Variants in FSTL3 observed in about 807,000 individuals in gnomAD.
FSTL3 encodes the protein follistatin-related protein 3.
Under a neutral mutation model 28.1 loss-of-function variants are expected in FSTL3, and 21 were observed. The observed-to-expected ratio is 0.75, with a 90% CI of 0.53 to 1.08. The LOEUF (loss-of-function observed/expected upper bound fraction) is 1.08. Ranked by LOEUF, FSTL3 falls within the 50% of genes least tolerant of loss-of-function variation. The pLI is 0.00. For missense variants in FSTL3, 400 were observed against 380.9 expected (o/e 1.05, Z -0.42); for synonymous variants, 199 against 164.2 (o/e 1.21, Z -1.62).
At chr19:679,058 G>C (rs1340535143) in intron 2 of FSTL3, among the ~76,000 whole-genome samples, 1 of 152,064 alleles carries the variant, frequency 6.6e-6, no homozygotes, top group Non-Finnish European at 1.5e-5. Context: ...CAGCCTGGCT[G>C]GGTGGTCCTG....
chr19:680,698 G>T, intron 3 of FSTL3: 1 of 356,888 alleles, frequency 2.8e-6, no homozygotes, highest in Non-Finnish European at 5.0e-6. Context: ...CTGCTGGAGG[G>T]GCGGGGCCGC....
rs766845856 is a variant in FSTL3 at position 677,994 on chromosome 19, G to A, written c.289+17G>A. The stretch of plus-strand genomic sequence containing the variant: ...CCTGCAAAGGTGAGACCTCAGGCCA[G>A]AAGCAGGGCAGACGTCTCAGCTCAG... On this transcript the variant is annotated intron_variant, in intron 2 of 4. Coordinates refer to ENST00000166139, the MANE Select transcript of FSTL3 (RefSeq NM_005860.3). 14 of 1,609,376 alleles carry A rather than the reference G, an allele frequency of 8.7e-6. No homozygotes were observed. The South Asian group carries it at 1.3e-4, about 15-fold the overall frequency.
chr19:676,537 C>G lies in FSTL3; in HGVS notation c.103+11C>G, dbSNP rs916715766. ...GGAACCCCGCGCCCGGTGAGTGGGG[C>G]GGCCAGAGGGGCGGGCGGGGCGGGC... On this transcript the variant is annotated intron_variant, in intron 1 of 4. Transcript: ENST00000166139. The G allele has an allele frequency of 1.4e-6, 1 of 721,016 alleles. No homozygotes were observed. Among genetic ancestry groups the G allele is most frequent in the Non-Finnish European group, 1.8e-6 (1 of 568,434 alleles). 44.7% of individuals were successfully genotyped at this position (721,016 alleles called of 1,614,324 possible). A position where few individuals can be genotyped will look rare whatever the true frequency, so the allele number is the denominator to read the frequency against.
intron 2 of FSTL3, among the ~76,000 whole-genome samples, chr19:678,453 G>C (rs533017248): frequency 2.7e-4 from 41 of 151,068 alleles, no homozygotes; most frequent in African/African-American, 8.7e-4. Context: ...TGGTTGGCGA[G>C]TGGCACAGAA....
rs1012360297 is a variant in FSTL3, at chr19:681,829, T to C, written c.*121T>C. ...TCCTTAGAGCCCGGATTCGGACCAC[T>C]TGGGGATCCCAGAACCTCCCTGACG... is the stretch of plus-strand genomic sequence containing the variant. On this transcript the variant is annotated 3_prime_UTR_variant, in exon 5 of 5. Transcript: ENST00000166139. 5.1e-5 allele frequency: 45 copies of C among 884,886 alleles called. No individual in the cohort carries two copies. The highest frequency in any genetic ancestry group is 7.7e-5 in the Non-Finnish European group (43 of 557,746). 54.8% of individuals were successfully genotyped at this position (884,886 alleles called of 1,614,324 possible).
chr19:678,927 G>A (rs1434832373), intron 2 of FSTL3, among the ~76,000 whole-genome samples: 1 of 152,114 alleles, frequency 6.6e-6, no homozygotes, highest in Non-Finnish European at 1.5e-5. Flanking sequence ...ATGGCTTGAG[G>A]TTAGGTCCTG....
In FSTL3 at chr19:682,282, G is replaced by A. The variant is rs535149517; in HGVS notation, c.*574G>A. On this transcript the variant is annotated 3_prime_UTR_variant, in exon 5 of 5. Transcript: ENST00000166139. ...GGATCTAGCCTGGGTGAGTATGGAGGGTCTAGCCTGGGTGAGTATGGAGGG... is the reference window on the plus strand; with the variant it reads ...GGATCTAGCCTGGGTGAGTATGGAGAGTCTAGCCTGGGTGAGTATGGAGGG... The A allele has an allele frequency of 2.0e-4, 52 of 259,842 alleles. No homozygotes were observed. The highest frequency in any genetic ancestry group is 3.6e-4 in the Non-Finnish European group (49 of 134,308). 16.1% of individuals were successfully genotyped at this position (259,842 alleles called of 1,614,324 possible).
At chr19:681,113 A>G (rs1307944858) in intron 3 of FSTL3, among the ~76,000 whole-genome samples, 1 of 142,866 alleles carries the variant, frequency 7.0e-6, no homozygotes, top group Non-Finnish European at 1.5e-5. Flanking sequence ...GGAGCTCACG[A>G]AAGAGGTGTG....
At position 676,443 on chromosome 19, in the gene FSTL3, G is replaced by A; in HGVS notation, c.20G>A (p.Gly7Glu). The change falls in exon 1 of 5, where the codon GGG (glycine) becomes GAG (glutamate). Residue 7 changes from glycine to glutamate, a missense_variant. Physicochemically the swap from Gly to Glu is moderately conservative, Grantham distance 98. Coordinates refer to ENST00000166139, the MANE Select transcript of FSTL3 (RefSeq NM_005860.3). ...TTCGCCATGCGTCCCGGGGCGCCAGGGCCACTCTGGCCTCTGCCCTGGGGG... is the reference window on the plus strand; with the variant it reads ...TTCGCCATGCGTCCCGGGGCGCCAGAGCCACTCTGGCCTCTGCCCTGGGGG... The part of the protein sequence containing the change: MRPGAP[G>E]PLWPLPWGAL... The A allele has an allele frequency of 8.2e-7, 1 of 1,212,804 alleles. No homozygotes were observed. The highest frequency in any genetic ancestry group is 1.0e-6 in the Non-Finnish European group (1 of 972,878). 75.1% of individuals were successfully genotyped at this position (1,212,804 alleles called of 1,614,324 possible). A position where few individuals can be genotyped will look rare whatever the true frequency, so the allele number is the denominator to read the frequency against.
chr19:678,997 A>G (rs533099554), intron 2 of FSTL3, among the ~76,000 whole-genome samples: 8 of 152,176 alleles, frequency 5.3e-5, no homozygotes, highest in Non-Finnish European at 8.8e-5. Flanking sequence ...GCAGACCCGA[A>G]GGCCAGGCTG....
chr19:676,632 A>G (rs1204412326), intron 1 of FSTL3, 106 bp downstream of exon 1: 15 of 323,752 alleles, frequency 4.6e-5, no homozygotes, highest in African/African-American at 1.3e-4. Context: ...GGCGGGGGCG[A>G]GGGCGGTGTC....
At chr19:680,034 C>T in intron 2 of FSTL3, 1 of 239,916 alleles carries the variant, frequency 4.2e-6, no homozygotes, top group East Asian at 8.8e-5. Flanking sequence ...CGCACCGAGC[C>T]CAGCCCCCGC....
chr19:676,537 C>A lies in FSTL3; in HGVS notation c.103+11C>A. The A allele has an allele frequency of 9.7e-6, 7 of 721,010 alleles. No individual in the cohort carries two copies. The highest frequency in any genetic ancestry group is 1.2e-5 in the Non-Finnish European group (7 of 568,428). The allele number at this position is 721,010 out of a possible 1,614,324, so 44.7% of individuals were successfully genotyped here. Reference sequence around the variant, plus strand: ...GGAACCCCGCGCCCGGTGAGTGGGGCGGCCAGAGGGGCGGGCGGGGCGGGC... The same window carrying A: ...GGAACCCCGCGCCCGGTGAGTGGGGAGGCCAGAGGGGCGGGCGGGGCGGGC... On this transcript the variant is annotated intron_variant, in intron 1 of 4. Coordinates refer to ENST00000166139, the MANE Select transcript of FSTL3 (RefSeq NM_005860.3).
chr19:679,498 T>G (rs907052181), intron 2 of FSTL3, among the ~76,000 whole-genome samples: 1 of 152,242 alleles, frequency 6.6e-6, no homozygotes, highest in Non-Finnish European at 1.5e-5. Context: ...GTTGGTCATC[T>G]GGGTCCTGGC....
At chr19:677,455 T>C (rs1029992098) in intron 1 of FSTL3, among the ~76,000 whole-genome samples, 5 of 148,858 alleles carry the variant, frequency 3.4e-5, no homozygotes, top group African/African-American at 1.2e-4. Context: ...GACCCTGACA[T>C]GCCCAGTGCC....
chr19:677,348 G>GT, intron 1 of FSTL3, among the ~76,000 whole-genome samples: 1 of 152,080 alleles, frequency 6.6e-6, no homozygotes, highest in East Asian at 2.0e-4. Flanking sequence ...GGGCCAGGCG[G>GT]TGGGGGGGCT....
At chr19:678,441 C>T (rs540205639) in intron 2 of FSTL3, among the ~76,000 whole-genome samples, 13 of 147,510 alleles carry the variant, frequency 8.8e-5, no homozygotes, top group Non-Finnish European at 1.8e-4. Context: ...ACTAGGGGCT[C>T]TTGGTTGGCG....
Position 681,742 on chromosome 19 carries a change from G to T in FSTL3, c.*34G>T. 2 of 1,521,680 alleles carry T rather than the reference G, an allele frequency of 1.3e-6. No individual in the cohort carries two copies. The highest frequency in any genetic ancestry group is 1.8e-6 in the Non-Finnish European group (2 of 1,122,238). 94.3% of individuals were successfully genotyped at this position (1,521,680 alleles called of 1,614,324 possible). A position where few individuals can be genotyped will look rare whatever the true frequency, so the allele number is the denominator to read the frequency against. On this transcript the variant is annotated 3_prime_UTR_variant, in exon 5 of 5. Transcript: ENST00000166139. ...GACAGGCCTGGGCCTGGTGCCCGAG[G>T]CCCCCCATCATCCCCTGTTATTTAT...
At chr19:679,525 A>G (rs1816531204) in intron 2 of FSTL3, among the ~76,000 whole-genome samples, 1 of 152,176 alleles carries the variant, frequency 6.6e-6, no homozygotes, top group African/African-American at 2.4e-5. Context: ...TTTCAAACTG[A>G]GGTGCTTGGG....
Sources: gnomAD v4.1 joint callset for allele counts (sites outside exome capture counted in the v4.1 genomes callset) on GRCh38, gnomAD v4.1.1 for gene constraint, MANE v1.5 for transcripts, NCBI Gene and HGNC (gene_info 2026-07-23, HGNC 2026-07-21) for gene names.